CPD: variants seen among roughly 807,000 people sequenced by gnomAD.
The protein encoded by CPD is carboxypeptidase D, also known as metallocarboxypeptidase D.
In CPD, 69 loss-of-function variants were observed where a neutral mutation model predicts 138.3. The ratio of observed to expected loss-of-function variants is 0.50; its 90% confidence interval spans 0.41 to 0.61. CPD has a LOEUF of 0.61. Ranked by LOEUF, CPD falls within the 20% of genes least tolerant of loss-of-function variation. The pLI is 0.00. For synonymous variants in CPD, 651 were observed against 642.1 expected (o/e 1.01, Z -0.21); for missense variants, 1,432 against 1,733.3 (o/e 0.83, Z 3.09).
chr17:30,468,247 AG>A lies in CPD; in HGVS notation c.*3434del, dbSNP rs1913695713. ...TGAAAGTAGGTTACCATTTTGAGGC[AG>A]TTGGATATAAATTATGTAAATATGT... On this transcript the variant is annotated 3_prime_UTR_variant, in exon 21 of 21. Transcript: ENST00000225719. 1 of 152,622 alleles carries A rather than the reference AG, an allele frequency of 6.6e-6. No homozygotes were observed. 9.5% of individuals were successfully genotyped at this position (152,622 alleles called of 1,614,324 possible). A position where few individuals can be genotyped will look rare whatever the true frequency, so the allele number is the denominator to read the frequency against.
At chr17:30,386,745 ATAT>A (rs1207533420) in intron 2 of CPD, among the ~76,000 whole-genome samples, 2 of 152,170 alleles carry the variant, frequency 1.3e-5, no homozygotes, top group African/African-American at 2.4e-5. Context: ...TCTTAACATA[ATAT>A]TCTTAAGGGT....
intron 12 of CPD, 54 bp downstream of exon 12, chr17:30,446,074 A>AT (rs200654089): frequency 0.016 from 20,282 of 1,239,340 alleles, 341 homozygotes; most frequent in Middle Eastern, 0.064. Context: ...TAAAATCAGC[A>AT]TTAGCCATGT....
At chr17:30,443,022 T>C (rs968105552) in intron 10 of CPD, among the ~76,000 whole-genome samples, 1 of 152,138 alleles carries the variant, frequency 6.6e-6, no homozygotes, top group African/African-American at 2.4e-5. Context: ...TTTTACTATA[T>C]TTAAAGACAT....
chr17:30,423,098 A>G, intron 5 of CPD, 75 bp downstream of exon 5: 3 of 1,159,360 alleles, frequency 2.6e-6, no homozygotes, highest in Non-Finnish European at 3.6e-6. Flanking sequence ...TGTTTCATTC[A>G]GAAAGGTCGC....
At chr17:30,404,545 A>G (rs1172054983) in intron 2 of CPD, among the ~76,000 whole-genome samples, 1 of 152,086 alleles carries the variant, frequency 6.6e-6, no homozygotes. Context: ...TTCCAGTTTT[A>G]TGCTCTTTCA....
intron 8 of CPD, among the ~76,000 whole-genome samples, chr17:30,432,919 A>C (rs1441704847): frequency 6.6e-6 from 1 of 152,158 alleles, no homozygotes; most frequent in Non-Finnish European, 1.5e-5. Context: ...ACCCTGTCTC[A>C]AAAAAATAAA....
intron 4 of CPD, among the ~76,000 whole-genome samples, chr17:30,422,250 A>G (rs1204097248): frequency 6.6e-6 from 1 of 152,186 alleles, no homozygotes; most frequent in African/African-American, 2.4e-5. Context: ...TCACTTTGAT[A>G]AGGATTTAAT....
chr17:30,437,784 T>A (rs1156825833), intron 8 of CPD, among the ~76,000 whole-genome samples: 1 of 151,718 alleles, frequency 6.6e-6, no homozygotes, highest in East Asian at 1.9e-4. Flanking sequence ...AAGAGAGTGA[T>A]GGGATGATAA....
At chr17:30,400,388 G>A (rs1231563238) in intron 2 of CPD, among the ~76,000 whole-genome samples, 1 of 151,994 alleles carries the variant, frequency 6.6e-6, no homozygotes, top group Non-Finnish European at 1.5e-5. Flanking sequence ...ATATATATAT[G>A]CTGCACTGAA....
At chr17:30,407,492 T>C (rs921566589) in intron 2 of CPD, among the ~76,000 whole-genome samples, 4 of 152,220 alleles carry the variant, frequency 2.6e-5, no homozygotes, top group African/African-American at 9.6e-5. Flanking sequence ...TTCCTGACTT[T>C]TTAATGATCG....
At chr17:30,384,778 G>T (rs1391370485) in intron 1 of CPD, among the ~76,000 whole-genome samples, 1 of 152,156 alleles carries the variant, frequency 6.6e-6, no homozygotes, top group Non-Finnish European at 1.5e-5. Flanking sequence ...TGTTAAAGGT[G>T]TTTGAAATCT....
intron 2 of CPD, among the ~76,000 whole-genome samples, chr17:30,411,243 G>T (rs906644820): frequency 6.6e-6 from 1 of 152,188 alleles, no homozygotes; most frequent in African/African-American, 2.4e-5. Context: ...AGTCCGATGG[G>T]CTTCCCTTTG....
At chr17:30,394,476 C>G (rs974773885) in intron 2 of CPD, among the ~76,000 whole-genome samples, 2 of 152,138 alleles carry the variant, frequency 1.3e-5, no homozygotes, top group African/African-American at 4.8e-5. Context: ...TAATACTTAT[C>G]CACTTATGTT....
At chr17:30,463,528 G>A (rs543024136) in intron 20 of CPD, among the ~76,000 whole-genome samples, 14 of 152,300 alleles carry the variant, frequency 9.2e-5, no homozygotes, top group South Asian at 8.3e-4. Context: ...GTTTGTTTAC[G>A]CTGGAACTAA....
At chr17:30,453,352 C>T (rs1396864592) in intron 14 of CPD, among the ~76,000 whole-genome samples, 1 of 152,184 alleles carries the variant, frequency 6.6e-6, no homozygotes, top group Non-Finnish European at 1.5e-5. Context: ...GGAGGGGCTA[C>T]AGGCCCCATG....
chr17:30,455,129 A>G lies in CPD; in HGVS notation c.3206-210A>G, dbSNP rs183817906. The G allele has an allele frequency of 3.2e-4, 157 of 496,712 alleles. 1 individual carries two copies. In the Admixed American group the frequency reaches 4.8e-3, roughly 15 times the overall value. The allele number at this position is 496,712 out of a possible 1,614,324, so 30.8% of individuals were successfully genotyped here. ...CTTGCTTAGAGTCATTAGTATATACACATCCTGAAGTACATAATAAAACTC... is the reference window on the plus strand; with the variant it reads ...CTTGCTTAGAGTCATTAGTATATACGCATCCTGAAGTACATAATAAAACTC... On this transcript the variant is annotated intron_variant, in intron 14 of 20. Transcript: ENST00000225719.
chr17:30,424,758 ATG>A (rs1567875458), intron 6 of CPD, among the ~76,000 whole-genome samples: 1 of 152,170 alleles, frequency 6.6e-6, no homozygotes. Flanking sequence ...GCAGACCCTT[ATG>A]CACAACACTA....
At chr17:30,433,732 A>G (rs1432829473) in intron 8 of CPD, among the ~76,000 whole-genome samples, 1 of 152,140 alleles carries the variant, frequency 6.6e-6, no homozygotes, top group Admixed American at 6.5e-5. Context: ...CAGAGCCTTT[A>G]TCCTCTATCT....
At chr17:30,434,641 G>A (rs1597724010) in intron 8 of CPD, among the ~76,000 whole-genome samples, 1 of 151,974 alleles carries the variant, frequency 6.6e-6, no homozygotes, top group South Asian at 2.1e-4. Flanking sequence ...ATAGCTTCTG[G>A]AGAAGGAAAA....
Sources: gnomAD v4.1 joint callset for allele counts (sites outside exome capture counted in the v4.1 genomes callset) on GRCh38, gnomAD v4.1.1 for gene constraint, MANE v1.5 for transcripts, NCBI Gene and HGNC (gene_info 2026-07-23, HGNC 2026-07-21) for gene names.